The following RNF130 variants were observed in gnomAD, a reference collection of about 807,000 sequenced individuals.
RNF130 encodes ring finger protein 130, also known as E3 ubiquitin-protein ligase RNF130.
A neutral mutation model predicts 44.6 loss-of-function variants in RNF130; 21 were observed. The observed-to-expected ratio is 0.47, with a 90% CI of 0.33 to 0.68. The LOEUF is 0.68. RNF130 is among the 30% of genes least tolerant of loss of function. The probability of loss-of-function intolerance (pLI) is 0.02; values close to 1 mark genes in which losing one functional copy is unlikely to be tolerated. For synonymous variants in RNF130, 214 were observed against 210.4 expected (o/e 1.02, Z -0.15); for missense variants, 479 against 560.6 (o/e 0.85, Z 1.47).
chr5:179,942,136 C>A (rs1482544602), intron 7 of RNF130, among the ~76,000 whole-genome samples: 1 of 110,426 alleles, frequency 9.1e-6, no homozygotes, highest in Non-Finnish European at 2.0e-5. Flanking sequence ...TAATTTGTGT[C>A]CAAATAGGTT....
At position 179,992,070 on chromosome 5, in the gene RNF130, T is replaced by C. The variant is rs77688984; in HGVS notation, c.694-11870A>G. Reference sequence around the variant, plus strand: ...AATGAAGCTTCAGTCACTCACCTGATGCTCAGCTCCTGCTGTGTGTCCTGT... The same window carrying C: ...AATGAAGCTTCAGTCACTCACCTGACGCTCAGCTCCTGCTGTGTGTCCTGT... On this transcript the variant is annotated intron_variant, in intron 3 of 8. Coordinates refer to ENST00000521389, the MANE Select transcript of RNF130 (RefSeq NM_018434.6). 7.6e-3 allele frequency among the ~76,000 whole-genome samples: 1,155 copies of C among 152,320 alleles called. 15 individuals are homozygous for C. Among genetic ancestry groups the C allele is most frequent in the African/African-American group, 0.026 (1,101 of 41,572 alleles).
chr5:179,951,755 C>A (rs1762129954), downstream of RNF130, among the ~76,000 whole-genome samples: 1 of 152,044 alleles, frequency 6.6e-6, no homozygotes, highest in African/African-American at 2.4e-5. Context: ...AATTGGAAAT[C>A]TACAACAGAA....
downstream of RNF130, among the ~76,000 whole-genome samples, chr5:179,954,219 C>T (rs1004258570): frequency 6.6e-6 from 1 of 152,298 alleles, no homozygotes; most frequent in East Asian, 1.9e-4. Flanking sequence ...AGAGTTATAA[C>T]ATAATCCAGC....
chr5:180,045,407 G>C lies in RNF130; in HGVS notation c.248-4760C>G, dbSNP rs552113933. On this transcript the variant is annotated intron_variant, in intron 1 of 8. Transcript: ENST00000521389. ...TGGTCTCACTGACTTCAAGAGTGAA[G>C]CTGCAGACCTTCTCAGTGAGTGTTA... is the stretch of plus-strand genomic sequence containing the variant. 2.6e-5 allele frequency among the ~76,000 whole-genome samples: 4 copies of C among 152,292 alleles called. No homozygotes were observed. In the East Asian group the frequency reaches 7.7e-4, roughly 29 times the overall value.
chr5:180,016,037 G>C (rs1763719352), intron 2 of RNF130, among the ~76,000 whole-genome samples: 1 of 152,158 alleles, frequency 6.6e-6, no homozygotes, highest in African/African-American at 2.4e-5. Context: ...TTTGGACTAG[G>C]AAGAGAAGCC....
intron 7 of RNF130, among the ~76,000 whole-genome samples, chr5:179,925,492 G>A (rs530941966): frequency 6.6e-6 from 1 of 152,110 alleles, no homozygotes; most frequent in South Asian, 2.1e-4. Flanking sequence ...GCATGGCTGG[G>A]TTTCTTCTGT....
chr5:179,947,372 TA>T (rs936741863), intron 7 of RNF130, among the ~76,000 whole-genome samples: 9 of 152,160 alleles, frequency 5.9e-5, no homozygotes, highest in Non-Finnish European at 1.2e-4. Flanking sequence ...ACCTGTGTCC[TA>T]AATCAAGCCC....
intron 2 of RNF130, among the ~76,000 whole-genome samples, chr5:180,026,661 T>C (rs1763998292): frequency 6.6e-6 from 1 of 152,240 alleles, no homozygotes; most frequent in Non-Finnish European, 1.5e-5. Flanking sequence ...CTTACACTTG[T>C]ATTGGTACAT....
chr5:180,001,818 G>A (rs1763351254), intron 3 of RNF130, among the ~76,000 whole-genome samples: 1 of 152,204 alleles, frequency 6.6e-6, no homozygotes, highest in African/African-American at 2.4e-5. Flanking sequence ...CCAAGAGGAA[G>A]GTTATCTAAG....
chr5:179,953,406 T>A (rs1762155922), downstream of RNF130, among the ~76,000 whole-genome samples: 1 of 152,052 alleles, frequency 6.6e-6, no homozygotes, highest in South Asian at 2.1e-4. Flanking sequence ...GTTTGAGAAC[T>A]CACACTTCCC....
At chr5:179,960,779 A>G (rs1183952245) in intron 8 of RNF130, among the ~76,000 whole-genome samples, 4 of 152,178 alleles carry the variant, frequency 2.6e-5, no homozygotes, top group African/African-American at 9.7e-5. Flanking sequence ...GATGAAATCT[A>G]TTTATATATG....
intron 3 of RNF130, among the ~76,000 whole-genome samples, chr5:179,991,847 G>A (rs1327020036): frequency 6.6e-6 from 1 of 152,140 alleles, no homozygotes; most frequent in African/African-American, 2.4e-5. Context: ...CCTGCAAGCA[G>A]ATGGTCCCAT....
intron 3 of RNF130, among the ~76,000 whole-genome samples, chr5:180,009,978 T>C (rs986188223): frequency 1.2e-4 from 18 of 152,172 alleles, no homozygotes; most frequent in African/African-American, 3.9e-4. Context: ...CCGGGCGCAG[T>C]GGCTCACGCC....
intron 1 of RNF130, among the ~76,000 whole-genome samples, chr5:180,045,893 G>C (rs867330112): frequency 2.6e-5 from 4 of 152,310 alleles, no homozygotes; most frequent in Middle Eastern, 3.4e-3. Context: ...AGTTCTCCAA[G>C]ACCCCACCCA....
In RNF130 at chr5:180,071,687, G is replaced by A. The variant is rs1765276376; in HGVS notation, c.16C>T (p.Arg6Trp). 5 of 1,383,536 alleles carry A rather than the reference G, an allele frequency of 3.6e-6. No individual in the cohort carries two copies. The highest frequency in any genetic ancestry group is 3.0e-5 in the African/African-American group (2 of 66,602). 85.7% of individuals were successfully genotyped at this position (1,383,536 alleles called of 1,614,324 possible). The change falls in exon 1 of 9, where the codon CGG becomes TGG. Residue 6 changes from arginine (R) to tryptophan (W), a missense_variant. Transcript: ENST00000521389. MSCAGRAGPARLAALA... is the reference protein window; with the variant it reads MSCAGWAGPARLAALA... ...GCGGCGAGCCGGGCAGGGCCCGCCCGCCCCGCGCAGCTCATCGTCCCTCCG... is the reference window on the plus strand; with the variant it reads ...GCGGCGAGCCGGGCAGGGCCCGCCCACCCCGCGCAGCTCATCGTCCCTCCG...
At chr5:180,011,244 C>T (rs1356636089) in intron 3 of RNF130, among the ~76,000 whole-genome samples, 1 of 152,086 alleles carries the variant, frequency 6.6e-6, no homozygotes. Context: ...GAGCTCCAAT[C>T]AATCCAGGAT....
rs66616765 is a variant in RNF130, at chr5:180,015,618, AG to A, written c.443-2308del. On this transcript the variant is annotated intron_variant, in intron 2 of 8. Transcript: ENST00000521389. ...TAGGGAAAGGAGTAGGGAAAGGAGT[AG>A]GGAAAGGAGTAGGGAAAGGAGTAGG... Among the ~76,000 whole-genome samples the A allele has an allele frequency of 1.1e-3, 23 of 20,736 alleles. 2 individuals are homozygous for A. The highest frequency in any genetic ancestry group is 2.8e-3 in the South Asian group (1 of 360). 13.6% of individuals were successfully genotyped at this position (20,736 alleles called of 152,430 possible). A position where few individuals can be genotyped will look rare whatever the true frequency, so the allele number is the denominator to read the frequency against.
chr5:179,924,004 CCT>C (rs1193836569), intron 7 of RNF130, among the ~76,000 whole-genome samples: 1 of 152,076 alleles, frequency 6.6e-6, no homozygotes, highest in African/African-American at 2.4e-5. Context: ...TGCAGGGCAA[CCT>C]CTGTTTTCTT....
At chr5:180,057,327 T>C (rs1218623770) in intron 1 of RNF130, among the ~76,000 whole-genome samples, 1 of 152,192 alleles carries the variant, frequency 6.6e-6, no homozygotes, top group Admixed American at 6.5e-5. Context: ...GGCGGGAGGA[T>C]CACCCGAGGT....
Sources: allele counts gnomAD v4.1 joint callset (sites outside exome capture counted in the v4.1 genomes callset), GRCh38; gene constraint gnomAD v4.1.1; transcripts MANE v1.5; gene names NCBI Gene and HGNC (gene_info 2026-07-23, HGNC 2026-07-21).